CIMAP3: variants seen among roughly 807,000 people sequenced by gnomAD.
CIMAP3 encodes ciliary microtubule-associated protein 3.
chr1:111,343,961 C>G, the CIMAP3 span, among the ~76,000 whole-genome samples: 1 of 152,170 alleles, frequency 6.6e-6, no homozygotes, highest in African/African-American at 2.4e-5. Flanking sequence ...CTATGTTCAC[C>G]TTGCAGTCCT....
chr1:111,343,693 T>C, the CIMAP3 span, among the ~76,000 whole-genome samples: 1 of 152,236 alleles, frequency 6.6e-6, no homozygotes, highest in Non-Finnish European at 1.5e-5. Context: ...AGACAGTCTG[T>C]CTTTGACTAT....
the CIMAP3 span, chr1:111,346,419 G>A: frequency 5.7e-6 from 3 of 525,416 alleles, no homozygotes; most frequent in African/African-American, 5.8e-5. Context: ...CCCTACAGCC[G>A]CGAATCCAGG....
chr1:111,347,095 T>G, the CIMAP3 span: 2 of 1,530,268 alleles, frequency 1.3e-6, no homozygotes, highest in Non-Finnish European at 1.8e-6. Context: ...CCCCGGCTAT[T>G]GAGGGATAGC....
the CIMAP3 span, among the ~76,000 whole-genome samples, chr1:111,335,212 G>T: frequency 6.7e-6 from 1 of 148,464 alleles, no homozygotes. Context: ...TTTCCTACAA[G>T]AGAGGAGTCA....
the CIMAP3 span, among the ~76,000 whole-genome samples, chr1:111,343,641 A>G: frequency 1.3e-5 from 2 of 152,272 alleles, no homozygotes; most frequent in Non-Finnish European, 2.9e-5. Context: ...TTAGCCTATT[A>G]TCATTACACA....
chr1:111,328,386 T>C, the CIMAP3 span, among the ~76,000 whole-genome samples: 1 of 152,182 alleles, frequency 6.6e-6, no homozygotes, highest in Admixed American at 6.5e-5. Flanking sequence ...ATGTTGAGTT[T>C]AGGTCCTGAA....
chr1:111,350,081 A>T, the CIMAP3 span: 1 of 1,571,002 alleles, frequency 6.4e-7, no homozygotes, highest in South Asian at 1.1e-5. Context: ...CTCATTAGAC[A>T]TGATGCTTGT....
the CIMAP3 span, among the ~76,000 whole-genome samples, chr1:111,344,021 G>C: frequency 6.6e-6 from 1 of 152,094 alleles, no homozygotes; most frequent in Non-Finnish European, 1.5e-5. Flanking sequence ...TAAAGTCCAT[G>C]TTTAATGACT....
At chr1:111,347,833 AG>A in the CIMAP3 span, 2 of 1,221,534 alleles carry the variant, frequency 1.6e-6, no homozygotes, top group Non-Finnish European at 2.4e-6. Flanking sequence ...AGGAGTGCAA[AG>A]GGCAGAGAGC....
At chr1:111,335,833 C>T in the CIMAP3 span, among the ~76,000 whole-genome samples, 1 of 152,234 alleles carries the variant, frequency 6.6e-6, no homozygotes, top group Non-Finnish European at 1.5e-5. Flanking sequence ...TGTCTGACAG[C>T]TTTGAAGAGA....
the CIMAP3 span, chr1:111,348,543 C>A: frequency 6.2e-7 from 1 of 1,607,726 alleles, no homozygotes; most frequent in Admixed American, 1.7e-5. Flanking sequence ...AGGCAGGTAC[C>A]AGAAAGTAAG....
At chr1:111,347,608 G>A in the CIMAP3 span, 5 of 1,029,500 alleles carry the variant, frequency 4.9e-6, no homozygotes, top group South Asian at 4.5e-5. Context: ...CTGACTATGC[G>A]TTGTTTTTTC....
chr1:111,348,464 G>A, the CIMAP3 span: 53 of 1,483,918 alleles, frequency 3.6e-5, no homozygotes, highest in African/African-American at 4.3e-5. Flanking sequence ...GGCTTTATGT[G>A]TATATATATA....
the CIMAP3 span, chr1:111,350,108 C>G: frequency 6.2e-7 from 1 of 1,611,286 alleles, no homozygotes; most frequent in East Asian, 2.2e-5. Flanking sequence ...ATTTCTAGCC[C>G]TGGTGCATAC....
the CIMAP3 span, among the ~76,000 whole-genome samples, chr1:111,336,623 TG>T: frequency 1.3e-5 from 2 of 151,932 alleles, no homozygotes; most frequent in Admixed American, 1.3e-4. Context: ...ATGAATGAAA[TG>T]AAGTGAGAAG....
the CIMAP3 span, chr1:111,351,568 G>C: frequency 2.9e-6 from 1 of 343,654 alleles, no homozygotes; most frequent in Non-Finnish European, 5.2e-6. Flanking sequence ...GTTGGGTGCT[G>C]AGTTGGGTGA....
chr1:111,341,312 A>G, the CIMAP3 span, among the ~76,000 whole-genome samples: 1 of 152,126 alleles, frequency 6.6e-6, no homozygotes, highest in African/African-American at 2.4e-5. Context: ...TACATATGTA[A>G]CTAACCTGCA....
the CIMAP3 span, chr1:111,349,429 A>G: frequency 6.6e-6 from 1 of 152,374 alleles, no homozygotes; most frequent in Non-Finnish European, 1.5e-5. Context: ...CAACAGGCTT[A>G]TTCTCAATGC....
At chr1:111,332,098 G>A in the CIMAP3 span, among the ~76,000 whole-genome samples, 1 of 152,200 alleles carries the variant, frequency 6.6e-6, no homozygotes, top group Non-Finnish European at 1.5e-5. Context: ...GCATAGGGTG[G>A]GTTGGCCAAC....
Sources: allele counts gnomAD v4.1 joint callset (sites outside exome capture counted in the v4.1 genomes callset), GRCh38; gene constraint gnomAD v4.1.1; transcripts MANE v1.5; gene names NCBI Gene and HGNC (gene_info 2026-07-23, HGNC 2026-07-21).